The following CHN1 variants were observed in gnomAD, a reference collection of about 807,000 sequenced individuals.
CHN1 encodes N-chimaerin.
CHN1 carries 37 observed loss-of-function variants against 59.5 expected under a neutral mutation model. The observed-to-expected ratio is 0.62, with a 90% confidence interval of 0.48 to 0.82. The LOEUF (loss-of-function observed/expected upper bound fraction) is 0.82, where lower values mean the gene tolerates loss of function less well. Among genes scored for constraint, CHN1 ranks in the 40% least tolerant of loss-of-function variants. CHN1 has a pLI of 0.00. For missense variants in CHN1, 469 were observed against 571.0 expected (o/e 0.82, Z 1.82); for synonymous variants, 206 against 200.4 (o/e 1.03, Z -0.24).
At chr2:174,976,879 G>A (rs1017815067) in intron 1 of CHN1, among the ~76,000 whole-genome samples, 1 of 152,054 alleles carries the variant, frequency 6.6e-6, no homozygotes, top group Non-Finnish European at 1.5e-5. Context: ...CTAAATAACC[G>A]CATCAAGTAA....
intron 1 of CHN1, among the ~76,000 whole-genome samples, chr2:174,963,205 T>C (rs553866308): frequency 7.9e-5 from 12 of 152,286 alleles, no homozygotes; most frequent in African/African-American, 2.6e-4. Context: ...GTGCCTTCAA[T>C]GGCAGTAACA....
At chr2:174,850,147 T>C (rs1030736154) in intron 6 of CHN1, among the ~76,000 whole-genome samples, 2 of 152,222 alleles carry the variant, frequency 1.3e-5, no homozygotes, top group Non-Finnish European at 2.9e-5. Flanking sequence ...AGAAGTGATA[T>C]CATCCACTTG....
At chr2:174,891,100 C>T (rs1401506899) in intron 5 of CHN1, among the ~76,000 whole-genome samples, 1 of 124,686 alleles carries the variant, frequency 8.0e-6, no homozygotes, top group African/African-American at 3.2e-5. Context: ...GAGATAGTGC[C>T]ACTGCACTCC....
intron 9 of CHN1, 143 bp from the exon 10 acceptor site, chr2:174,811,731 A>G (rs530599641): frequency 3.4e-5 from 19 of 556,406 alleles, no homozygotes; most frequent in African/African-American, 3.2e-4. Context: ...CTCCTAGAAT[A>G]AAACGATTTC....
At chr2:174,898,920 T>C (rs1688301392) in intron 5 of CHN1, among the ~76,000 whole-genome samples, 1 of 148,514 alleles carries the variant, frequency 6.7e-6, no homozygotes, top group East Asian at 1.9e-4. Context: ...AATATGCTTT[T>C]GTTTGTCTGT....
At chr2:174,869,850 A>T (rs990799130) in intron 6 of CHN1, among the ~76,000 whole-genome samples, 1 of 152,142 alleles carries the variant, frequency 6.6e-6, no homozygotes, top group Admixed American at 6.5e-5. Flanking sequence ...CCCAGAACAG[A>T]GATCCCTTCC....
chr2:174,909,427 C>T (rs1688626646), intron 5 of CHN1, among the ~76,000 whole-genome samples: 1 of 152,206 alleles, frequency 6.6e-6, no homozygotes, highest in Non-Finnish European at 1.5e-5. Context: ...ACATGCATTT[C>T]CCCGAGATGT....
chr2:174,965,828 T>C (rs1286663996), intron 1 of CHN1, among the ~76,000 whole-genome samples: 2 of 152,204 alleles, frequency 1.3e-5, no homozygotes, highest in Non-Finnish European at 1.5e-5. Flanking sequence ...AATAATGACA[T>C]GCTTAAACTC....
At chr2:174,974,007 T>C (rs949045156) in intron 1 of CHN1, among the ~76,000 whole-genome samples, 1 of 152,190 alleles carries the variant, frequency 6.6e-6, no homozygotes, top group African/African-American at 2.4e-5. Flanking sequence ...TCTCAAGATA[T>C]CATACTTTAA....
At chr2:174,816,746 T>A (rs1223611916) in intron 8 of CHN1, among the ~76,000 whole-genome samples, 1 of 152,148 alleles carries the variant, frequency 6.6e-6, no homozygotes, top group Non-Finnish European at 1.5e-5. Context: ...TTTGTTATAA[T>A]TATTGGGAGT....
rs74786490 is a variant in CHN1 at position 174,864,107 on chromosome 2, G to C, written c.549+13733C>G. ...CTGACAAACTGTGTTAAAGACCTGA[G>C]AGGGTTTCTGTTTGTTTGCTTCTGT... On this transcript the variant is annotated intron_variant, in intron 6 of 12. Transcript: ENST00000409900. 3.9e-3 allele frequency among the ~76,000 whole-genome samples: 598 copies of C among 152,162 alleles called. 6 individuals are homozygous for C. Among genetic ancestry groups the C allele is most frequent in the African/African-American group, 0.014 (575 of 41,514 alleles).
chr2:174,864,460 A>T (rs1230841065), intron 6 of CHN1, among the ~76,000 whole-genome samples: 2 of 152,210 alleles, frequency 1.3e-5, no homozygotes, highest in Admixed American at 1.3e-4. Context: ...TTATATTATA[A>T]ATCTTAGTTA....
At chr2:174,962,321 C>G (rs777570947) in intron 1 of CHN1, among the ~76,000 whole-genome samples, 2 of 151,788 alleles carry the variant, frequency 1.3e-5, no homozygotes, top group Admixed American at 1.3e-4. Flanking sequence ...AATATTTCAT[C>G]TAATAGAAGA....
chr2:174,897,197 G>C (rs1234451232), intron 5 of CHN1, among the ~76,000 whole-genome samples: 1 of 152,122 alleles, frequency 6.6e-6, no homozygotes, highest in Admixed American at 6.6e-5. Flanking sequence ...TGATTTTAAA[G>C]ACTGAAAAGA....
intron 5 of CHN1, among the ~76,000 whole-genome samples, chr2:174,887,243 C>T (rs923796064): frequency 1.3e-5 from 2 of 152,058 alleles, no homozygotes; most frequent in African/African-American, 4.8e-5. Flanking sequence ...GGTTAATTAG[C>T]TTTTTCTCTC....
intron 1 of CHN1, among the ~76,000 whole-genome samples, chr2:174,992,108 A>C (rs548089088): frequency 6.6e-6 from 1 of 152,234 alleles, no homozygotes; most frequent in Non-Finnish European, 1.5e-5. Flanking sequence ...AACTCAAAGG[A>C]AAGGCAGAGC....
chr2:174,854,355 T>G (rs1216943043), intron 6 of CHN1, among the ~76,000 whole-genome samples: 1 of 151,736 alleles, frequency 6.6e-6, no homozygotes, highest in African/African-American at 2.4e-5. Context: ...AGGAGCAGTG[T>G]GAGGAATAAG....
intron 3 of CHN1, among the ~76,000 whole-genome samples, chr2:174,932,941 C>A (rs1689392454): frequency 6.6e-6 from 1 of 152,176 alleles, no homozygotes; most frequent in Admixed American, 6.5e-5. Context: ...AATGTGAGAA[C>A]AGACTAATAC....
chr2:174,886,344 C>T (rs1388590011), intron 5 of CHN1, among the ~76,000 whole-genome samples: 1 of 152,138 alleles, frequency 6.6e-6, no homozygotes, highest in African/African-American at 2.4e-5. Context: ...TGTTTGAATA[C>T]AGAAATATCC....
Sources: allele counts gnomAD v4.1 joint callset (sites outside exome capture counted in the v4.1 genomes callset), GRCh38; gene constraint gnomAD v4.1.1; transcripts MANE v1.5; gene names NCBI Gene and HGNC (gene_info 2026-07-23, HGNC 2026-07-21).